GPHN: variants seen among roughly 807,000 people sequenced by gnomAD.
GPHN encodes the protein gephyrin.
A neutral mutation model predicts 95.5 loss-of-function variants in GPHN; 17 were observed. That is an observed-to-expected ratio of 0.18 (90% CI 0.12 to 0.27). GPHN has a LOEUF of 0.27. GPHN is among the 10% of genes least tolerant of loss of function. The probability of loss-of-function intolerance (pLI) is 1.00; values close to 1 mark genes in which losing one functional copy is unlikely to be tolerated. For synonymous variants in GPHN, 320 were observed against 322.5 expected, an observed-to-expected ratio of 0.99 and a Z score of 0.08; for missense variants, 660 against 978.1, an observed-to-expected ratio of 0.67 and a Z score of 4.34.
chr14:67,567,510 G>A, the GPHN span, among the ~76,000 whole-genome samples: 5 of 151,578 alleles, frequency 3.3e-5, no homozygotes, highest in Non-Finnish European at 7.4e-5. Context: ...TTTTTATGCC[G>A]AATTTTACTT....
At chr14:67,276,737 A>G in the GPHN span, among the ~76,000 whole-genome samples, 1 of 152,216 alleles carries the variant, frequency 6.6e-6, no homozygotes, top group East Asian at 1.9e-4. Flanking sequence ...CTACCAGGTT[A>G]TAGAAATTTT....
chr14:66,512,762 A>G (rs950998477), intron 1 of GPHN, among the ~76,000 whole-genome samples: 5 of 151,796 alleles, frequency 3.3e-5, no homozygotes, highest in Admixed American at 1.3e-4. Context: ...AGCTTGAGCC[A>G]AGCAGATGCT....
chr14:66,710,626 T>G (rs1383485663), intron 2 of GPHN, among the ~76,000 whole-genome samples: 1 of 152,200 alleles, frequency 6.6e-6, no homozygotes, highest in African/African-American at 2.4e-5. Flanking sequence ...GTTAAGGGAA[T>G]AAATGATTGA....
the GPHN span, among the ~76,000 whole-genome samples, chr14:67,723,018 C>G: frequency 6.6e-6 from 1 of 152,170 alleles, no homozygotes; most frequent in Admixed American, 6.5e-5. Context: ...GGAGTCCTTG[C>G]GTTTTCATTT....
At chr14:67,398,718 G>A in the GPHN span, among the ~76,000 whole-genome samples, 2 of 151,742 alleles carry the variant, frequency 1.3e-5, no homozygotes, top group Non-Finnish European at 2.9e-5. Flanking sequence ...CACCACACCC[G>A]GCTAATTTTT....
the GPHN span, among the ~76,000 whole-genome samples, chr14:67,368,175 G>T: frequency 2.6e-5 from 4 of 152,178 alleles, no homozygotes; most frequent in African/African-American, 9.7e-5. Context: ...GCTTTTGTTG[G>T]AGTTTCTGCA....
chr14:67,610,376 C>T, the GPHN span, among the ~76,000 whole-genome samples: 2 of 152,136 alleles, frequency 1.3e-5, no homozygotes, highest in Admixed American at 1.3e-4. Context: ...GGAGAACTGA[C>T]GCCCCTCCTT....
At chr14:66,731,257 C>A (rs1056249512) in intron 2 of GPHN, among the ~76,000 whole-genome samples, 1 of 152,128 alleles carries the variant, frequency 6.6e-6, no homozygotes, top group Non-Finnish European at 1.5e-5. Flanking sequence ...TATAGAGATA[C>A]CCAAAAAGGT....
chr14:67,345,151 C>T, the GPHN span, among the ~76,000 whole-genome samples: 5 of 151,300 alleles, frequency 3.3e-5, no homozygotes, highest in East Asian at 5.9e-4. Context: ...CTGAGGTGGG[C>T]GGATCACTTA....
the GPHN span, chr14:67,470,614 C>A: frequency 6.5e-6 from 1 of 153,004 alleles, no homozygotes; most frequent in East Asian, 1.9e-4. Context: ...CAGCTGCCTC[C>A]CCAGGAGACC....
At chr14:67,046,861 A>T (rs1476561076) in intron 10 of GPHN, among the ~76,000 whole-genome samples, 1 of 152,154 alleles carries the variant, frequency 6.6e-6, no homozygotes, top group Non-Finnish European at 1.5e-5. Context: ...ACTTTCTCCT[A>T]ATTGGAGAGA....
rs765267813 is a variant in GPHN at position 66,599,392 on chromosome 14, AT to A, written c.65-81699del. Among the ~76,000 whole-genome samples, 247 of 76,462 alleles carry A rather than the reference AT, an allele frequency of 3.2e-3. 3 individuals carry two copies. The highest frequency in any genetic ancestry group is 0.018 in the Middle Eastern group (2 of 114). 50.2% of individuals were successfully genotyped at this position (76,462 alleles called of 152,430 possible). A position where few individuals can be genotyped will look rare whatever the true frequency, so the allele number is the denominator to read the frequency against. The stretch of plus-strand genomic sequence containing the variant: ...TCTCTGATTTTACATTTTTTTTTGC[AT>A]TTTTTTTTTTTTTTTGCTAGATGCA... On this transcript the variant is annotated intron_variant, in intron 1 of 22. Transcript: ENST00000478722.
At chr14:66,856,815 A>C (rs112364718) in intron 4 of GPHN, among the ~76,000 whole-genome samples, 1 of 152,130 alleles carries the variant, frequency 6.6e-6, no homozygotes, top group African/African-American at 2.4e-5. Flanking sequence ...AATTTTAGAC[A>C]TCCTTTAATT....
the GPHN span, among the ~76,000 whole-genome samples, chr14:67,595,107 A>C: frequency 1.3e-5 from 2 of 151,918 alleles, no homozygotes; most frequent in Admixed American, 1.3e-4. Flanking sequence ...ACTGCACTCC[A>C]GCCTGGGTGA....
intron 1 of GPHN, among the ~76,000 whole-genome samples, chr14:66,606,519 T>C (rs2062543924): frequency 6.6e-6 from 1 of 152,130 alleles, no homozygotes; most frequent in Non-Finnish European, 1.5e-5. Context: ...AAAAATGATG[T>C]TGGTAGTTTG....
At chr14:66,723,881 G>C (rs894633776) in intron 2 of GPHN, among the ~76,000 whole-genome samples, 4 of 151,828 alleles carry the variant, frequency 2.6e-5, no homozygotes, top group African/African-American at 9.7e-5. Flanking sequence ...GGAATACCTA[G>C]TTTATACAAG....
the GPHN span, chr14:67,587,213 C>G: frequency 1.2e-6 from 2 of 1,613,808 alleles, no homozygotes; most frequent in East Asian, 4.5e-5. Context: ...TCCTGTGCTA[C>G]CAAGGGGCCA....
At chr14:67,217,195 TTC>T in the GPHN span, among the ~76,000 whole-genome samples, 1 of 152,106 alleles carries the variant, frequency 6.6e-6, no homozygotes, top group Non-Finnish European at 1.5e-5. Flanking sequence ...CTGACATAAA[TTC>T]TGTTTTATCT....
At chr14:67,699,888 T>C in the GPHN span, among the ~76,000 whole-genome samples, 1 of 152,206 alleles carries the variant, frequency 6.6e-6, no homozygotes, top group Non-Finnish European at 1.5e-5. Context: ...ACGCCTGTAC[T>C]TCCAGCACTT....
Sources: allele counts gnomAD v4.1 joint callset (sites outside exome capture counted in the v4.1 genomes callset), GRCh38; gene constraint gnomAD v4.1.1; transcripts MANE v1.5; gene names NCBI Gene and HGNC (gene_info 2026-07-23, HGNC 2026-07-21).